ARMH3: variants seen among roughly 807,000 people sequenced by gnomAD.
ARMH3 encodes armadillo like helical domain containing 3.
ARMH3 carries 60 observed loss-of-function variants against 99.1 expected under a neutral mutation model. The ratio of observed to expected loss-of-function variants is 0.61; its 90% CI spans 0.49 to 0.75. ARMH3 has a LOEUF of 0.75. ARMH3 is among the 30% of genes least tolerant of loss of function. The pLI, the probability that ARMH3 is intolerant of heterozygous loss-of-function variation, is 0.00. For missense variants in ARMH3, 679 were observed against 843.1 expected, an observed-to-expected ratio of 0.81 and a Z score of 2.41; for synonymous variants, 285 against 292.8, an observed-to-expected ratio of 0.97 and a Z score of 0.27.
chr10:102,014,324 C>T (rs1435035299), intron 8 of ARMH3, among the ~76,000 whole-genome samples: 1 of 152,226 alleles, frequency 6.6e-6, no homozygotes, highest in African/African-American at 2.4e-5. Context: ...TTCCCTCTTA[C>T]TTGCATCTAA....
chr10:101,919,755 T>C (rs1843231335), intron 23 of ARMH3, among the ~76,000 whole-genome samples: 1 of 152,204 alleles, frequency 6.6e-6, no homozygotes, highest in Non-Finnish European at 1.5e-5. Flanking sequence ...GTTGCAGATA[T>C]CCTATTTATC....
At chr10:101,855,061 CTTTTTTT>C (rs36174325) in intron 24 of ARMH3, among the ~76,000 whole-genome samples, 2 of 9,790 alleles carry the variant, frequency 2.0e-4, no homozygotes, top group Non-Finnish European at 3.2e-4. Flanking sequence ...ACTGTCTATT[CTTTTTTT>C]TTTTTTTTTT....
chr10:101,995,389 C>G (rs1847009809), intron 15 of ARMH3, 34 bp from the exon 16 acceptor site: 1 of 1,565,420 alleles, frequency 6.4e-7, no homozygotes, highest in Non-Finnish European at 8.8e-7. Context: ...CTCTGTAAAT[C>G]ATCCAGATTT....
chr10:102,007,509 G>A (rs912941813), intron 13 of ARMH3, among the ~76,000 whole-genome samples: 3 of 151,524 alleles, frequency 2.0e-5, no homozygotes, highest in Non-Finnish European at 2.9e-5. Flanking sequence ...GAGTCAAGGG[G>A]ATACCAGGTA....
chr10:102,026,100 G>A (rs2066995846), intron 5 of ARMH3, among the ~76,000 whole-genome samples: 2 of 152,230 alleles, frequency 1.3e-5, no homozygotes, highest in South Asian at 4.1e-4. Flanking sequence ...AATGTAATTG[G>A]AATTTATCAC....
At position 101,948,628 on chromosome 10, in the gene ARMH3, A is replaced by T. The variant is rs549032710; in HGVS notation, c.1705+7969T>A. Among the ~76,000 whole-genome samples the T allele has an allele frequency of 4.6e-5, 7 of 152,320 alleles. No homozygotes were observed. In the South Asian group the frequency reaches 1.5e-3, roughly 32 times the overall value. On this transcript the variant is annotated intron_variant, in intron 22 of 25. Coordinates refer to ENST00000370033, the MANE Select transcript of ARMH3 (RefSeq NM_024541.3). ...GAACCAAAAAGTAAAAAGAACCAAAAGGGGAAAACAGACAAACCCACAATT... is the reference window on the plus strand; with the variant it reads ...GAACCAAAAAGTAAAAAGAACCAAATGGGGAAAACAGACAAACCCACAATT...
At chr10:102,035,338 C>A (rs528000918) in intron 2 of ARMH3, among the ~76,000 whole-genome samples, 1 of 152,346 alleles carries the variant, frequency 6.6e-6, no homozygotes, top group South Asian at 2.1e-4. Flanking sequence ...ACACTCCGGC[C>A]TGGGCAACAG....
At chr10:101,857,763 T>G (rs2066769193) in intron 24 of ARMH3, among the ~76,000 whole-genome samples, 1 of 152,148 alleles carries the variant, frequency 6.6e-6, no homozygotes, top group Non-Finnish European at 1.5e-5. Flanking sequence ...TGTTATTGGG[T>G]CTAAAATGCT....
intron 20 of ARMH3, among the ~76,000 whole-genome samples, chr10:101,963,185 G>A (rs768643009): frequency 7.4e-6 from 1 of 135,746 alleles, no homozygotes; most frequent in Non-Finnish European, 1.6e-5. Context: ...CTCTGTTGCC[G>A]AGGCTGGAGT....
intron 23 of ARMH3, among the ~76,000 whole-genome samples, chr10:101,896,007 T>C (rs1368639725): frequency 1.3e-5 from 2 of 152,164 alleles, no homozygotes; most frequent in Admixed American, 6.5e-5. Context: ...GACTCATGCC[T>C]GCAATCCCAG....
chr10:101,917,943 GTCGTTTTGCAGT>G (rs1843150230), intron 23 of ARMH3, among the ~76,000 whole-genome samples: 1 of 152,186 alleles, frequency 6.6e-6, no homozygotes, highest in Admixed American at 6.5e-5. Flanking sequence ...TAGGTTTACA[GTCGTTTTGCAGT>G]TCATTTTGCA....
intron 23 of ARMH3, among the ~76,000 whole-genome samples, chr10:101,931,764 A>G (rs191034175): frequency 6.6e-6 from 1 of 152,342 alleles, no homozygotes; most frequent in East Asian, 1.9e-4. Context: ...AAAACAAAAA[A>G]GGATCAAGGA....
intron 22 of ARMH3, among the ~76,000 whole-genome samples, chr10:101,943,214 G>A (rs1269831322): frequency 6.6e-6 from 1 of 152,218 alleles, no homozygotes; most frequent in Admixed American, 6.5e-5. Context: ...AGACAGCTCT[G>A]CAGATCCCTT....
chr10:102,019,938 A>G (rs1055860944), intron 8 of ARMH3, among the ~76,000 whole-genome samples: 5,457 of 151,682 alleles, frequency 0.036, 152 homozygotes, highest in Non-Finnish European at 0.053. Flanking sequence ...AAAAAAAAAA[A>G]AAAAAGCTTA....
At chr10:101,971,338 G>C (rs1845764692) in intron 20 of ARMH3, among the ~76,000 whole-genome samples, 1 of 152,032 alleles carries the variant, frequency 6.6e-6, no homozygotes, top group Admixed American at 6.6e-5. Context: ...CAGCACTTTG[G>C]GAGACAGAGG....
intron 16 of ARMH3, among the ~76,000 whole-genome samples, chr10:101,994,344 C>A (rs750769646): frequency 6.6e-6 from 1 of 152,184 alleles, no homozygotes; most frequent in Non-Finnish European, 1.5e-5. Context: ...TAACCAGCCA[C>A]CCCTAATCTT....
In ARMH3 at chr10:101,847,064, T is replaced by C. The variant is rs1266917904; in HGVS notation, c.*464A>G. On this transcript the variant is annotated 3_prime_UTR_variant, in exon 26 of 26. Transcript: ENST00000370033. ...CCAGTGCAGGCAGGGGACACAGATT[T>C]CAAGCCAAGCACAGCCCCAGGCCCA... The C allele has an allele frequency of 6.4e-6, 1 of 157,268 alleles. No homozygotes were observed. Among genetic ancestry groups the C allele is most frequent in the Admixed American group, 6.3e-5 (1 of 15,886 alleles). 9.7% of individuals were successfully genotyped at this position (157,268 alleles called of 1,614,324 possible).
chr10:101,931,343 T>C (rs1843713430), intron 23 of ARMH3, among the ~76,000 whole-genome samples: 1 of 152,110 alleles, frequency 6.6e-6, no homozygotes, highest in African/African-American at 2.4e-5. Flanking sequence ...GCCAACATGG[T>C]GAAACCCTGT....
chr10:101,954,565 A>G lies in ARMH3; in HGVS notation c.1705+2032T>C, dbSNP rs560166466. 1.1e-4 allele frequency among the ~76,000 whole-genome samples: 17 copies of G among 152,340 alleles called. 1 individual carries two copies. In the South Asian group the frequency reaches 3.3e-3, roughly 30 times the overall value. The stretch of plus-strand genomic sequence containing the variant: ...TGACCTCATATGAAATTTTTTGGAT[A>G]GTGAAACTCTTCTATATCTTGATTT... On this transcript the variant is annotated intron_variant, in intron 22 of 25. Coordinates refer to ENST00000370033, the MANE Select transcript of ARMH3 (RefSeq NM_024541.3).
Sources: allele counts gnomAD v4.1 joint callset (sites outside exome capture counted in the v4.1 genomes callset), GRCh38; gene constraint gnomAD v4.1.1; transcripts MANE v1.5; gene names NCBI Gene and HGNC (gene_info 2026-07-23, HGNC 2026-07-21).